The following TAFA2 variants were observed in gnomAD, a reference collection of about 807,000 sequenced individuals.
TAFA2 encodes the protein chemokine-like protein TAFA-2.
A neutral mutation model predicts 18.8 loss-of-function variants in TAFA2; 7 were observed. The observed-to-expected ratio is 0.37, with a 90% CI of 0.21 to 0.70. The LOEUF is 0.70. TAFA2 is among the 30% of genes least tolerant of loss of function. The pLI, the probability that TAFA2 is intolerant of heterozygous loss-of-function variation, is 0.53. For missense variants in TAFA2, 122 were observed against 158.1 expected (o/e 0.77, Z 1.23); for synonymous variants, 60 against 54.2 (o/e 1.11, Z -0.47).
chr12:61,909,454 A>G (rs1876507526), intron 1 of TAFA2, among the ~76,000 whole-genome samples: 1 of 152,208 alleles, frequency 6.6e-6, no homozygotes, highest in Admixed American at 6.5e-5. Context: ...TGATGCTATC[A>G]GCCAGGAAAG....
chr12:62,168,945 T>TACAC (rs147184565), intron 1 of TAFA2, among the ~76,000 whole-genome samples: 19,093 of 148,822 alleles, frequency 0.13, 1,473 homozygotes, highest in East Asian at 0.31. Context: ...ACTCACTCTC[T>TACAC]ACACACACAC....
intron 1 of TAFA2, among the ~76,000 whole-genome samples, chr12:62,034,099 T>C (rs1168615981): frequency 2.0e-5 from 3 of 152,138 alleles, no homozygotes; most frequent in Non-Finnish European, 4.4e-5. Context: ...TATTTAGAGA[T>C]CATCACATCC....
chr12:61,847,675 A>G (rs914139889), intron 2 of TAFA2, among the ~76,000 whole-genome samples: 3 of 152,224 alleles, frequency 2.0e-5, no homozygotes, highest in Admixed American at 2.0e-4. Flanking sequence ...AAAAAATTTA[A>G]AGCAAAGTGC....
At chr12:62,056,609 T>C (rs930000330) in intron 1 of TAFA2, among the ~76,000 whole-genome samples, 1 of 152,162 alleles carries the variant, frequency 6.6e-6, no homozygotes, top group Non-Finnish European at 1.5e-5. Context: ...CATCTCTGCA[T>C]TTTGCAACTT....
At chr12:61,986,725 C>T (rs553592486) in intron 1 of TAFA2, among the ~76,000 whole-genome samples, 9 of 151,268 alleles carry the variant, frequency 5.9e-5, no homozygotes, top group East Asian at 5.8e-4. Context: ...GGATTAATTG[C>T]GTCAAGTTGC....
intron 1 of TAFA2, among the ~76,000 whole-genome samples, chr12:61,929,995 G>A (rs1322046630): frequency 6.7e-6 from 1 of 148,644 alleles, no homozygotes; most frequent in Non-Finnish European, 1.5e-5. Flanking sequence ...TCACACTCTG[G>A]GGACTGTTGT....
chr12:62,215,411 T>C (rs1175107256), intron 1 of TAFA2, among the ~76,000 whole-genome samples: 4 of 152,024 alleles, frequency 2.6e-5, no homozygotes, highest in African/African-American at 7.2e-5. Flanking sequence ...TTCCAGAACA[T>C]CTCATAGCCT....
At chr12:62,214,635 G>A (rs975732897) in intron 1 of TAFA2, among the ~76,000 whole-genome samples, 6 of 152,150 alleles carry the variant, frequency 3.9e-5, no homozygotes, top group African/African-American at 1.4e-4. Context: ...GAGGTCTTTA[G>A]GGTGGGACTT....
intron 1 of TAFA2, among the ~76,000 whole-genome samples, chr12:62,156,863 G>A (rs959858970): frequency 1.3e-5 from 2 of 151,950 alleles, no homozygotes; most frequent in South Asian, 4.1e-4. Context: ...ACTAAATACC[G>A]CCTGTACCCC....
chr12:61,928,323 C>G (rs67549876), intron 1 of TAFA2, among the ~76,000 whole-genome samples: 3 of 151,980 alleles, frequency 2.0e-5, no homozygotes, highest in South Asian at 2.1e-4. Context: ...AACAAACAAA[C>G]AAATAAACAA....
chr12:62,221,515 A>G (rs1199039237), intron 1 of TAFA2, among the ~76,000 whole-genome samples: 1 of 152,156 alleles, frequency 6.6e-6, no homozygotes, highest in Admixed American at 6.5e-5. Flanking sequence ...AAACAAATAG[A>G]TCAATGACTC....
At chr12:62,216,164 G>T (rs2062735152) in intron 1 of TAFA2, among the ~76,000 whole-genome samples, 1 of 152,170 alleles carries the variant, frequency 6.6e-6, no homozygotes, top group Non-Finnish European at 1.5e-5. Flanking sequence ...GTAACAAATG[G>T]AGTCTGGCCA....
At chr12:62,110,612 C>CTTTTTTTT (rs68008958) in intron 1 of TAFA2, among the ~76,000 whole-genome samples, 20 of 104,778 alleles carry the variant, frequency 1.9e-4, no homozygotes, top group East Asian at 6.1e-4. Flanking sequence ...TGGTCCTGGG[C>CTTTTTTTT]TTTTTTTTTT....
At chr12:61,993,906 C>G (rs1880094969) in intron 1 of TAFA2, among the ~76,000 whole-genome samples, 1 of 152,058 alleles carries the variant, frequency 6.6e-6, no homozygotes, top group South Asian at 2.1e-4. Flanking sequence ...ATAGTGCTCC[C>G]TCTCTCATAA....
chr12:62,215,734 C>CAACTTGTTTCTCTTGCTTAAGAGAAAA, intron 1 of TAFA2, among the ~76,000 whole-genome samples: 3 of 126,882 alleles, frequency 2.4e-5, no homozygotes, highest in South Asian at 2.7e-4. Context: ...TTAAGAGAAA[C>CAACTTGTTTCTCTTGCTTAAGAGAAAA]AACTTGTTTC....
chr12:62,155,875 T>C (rs956385501), intron 1 of TAFA2, among the ~76,000 whole-genome samples: 2 of 152,226 alleles, frequency 1.3e-5, no homozygotes, highest in Non-Finnish European at 2.9e-5. Flanking sequence ...CTTCTAGACA[T>C]TGGCCTAGGC....
intron 1 of TAFA2, among the ~76,000 whole-genome samples, chr12:62,031,624 C>A (rs1881461952): frequency 6.6e-6 from 1 of 152,086 alleles, no homozygotes; most frequent in South Asian, 2.1e-4. Flanking sequence ...CTCTTGAAGG[C>A]AGACAAAGTC....
chr12:62,129,300 A>T (rs2136891280), intron 1 of TAFA2, among the ~76,000 whole-genome samples: 1 of 152,200 alleles, frequency 6.6e-6, no homozygotes, highest in African/African-American at 2.4e-5. Context: ...AAAGGAGATT[A>T]AAAACTCATT....
intron 1 of TAFA2, among the ~76,000 whole-genome samples, chr12:62,069,847 C>T (rs1882582641): frequency 6.6e-6 from 1 of 152,086 alleles, no homozygotes; most frequent in African/African-American, 2.4e-5. Context: ...ATTTGCTAAC[C>T]CACTTTAAAA....
Sources: allele counts gnomAD v4.1 joint callset (sites outside exome capture counted in the v4.1 genomes callset), GRCh38; gene constraint gnomAD v4.1.1; transcripts MANE v1.5; gene names NCBI Gene and HGNC (gene_info 2026-07-23, HGNC 2026-07-21).